TAS2R10: variants seen among roughly 807,000 people sequenced by gnomAD.
TAS2R10 encodes the protein taste receptor type 2 member 10.
For missense variants in TAS2R10, 385 were observed against 362.0 expected, an observed-to-expected ratio of 1.06 and a Z score of -0.52; for synonymous variants, 144 against 126.6, an observed-to-expected ratio of 1.14 and a Z score of -0.92.
exon 1 of TAS2R10, chr12:10,825,460 G>A (rs1480707827): frequency 5.0e-6 from 8 of 1,613,682 alleles, no homozygotes; most frequent in Admixed American, 3.3e-5. Context: ...AGTGACCCCA[G>A]GGATAGATGG....
downstream of TAS2R10, chr12:10,825,306 T>A (rs759203790): frequency 2.7e-6 from 4 of 1,487,506 alleles, no homozygotes; most frequent in South Asian, 5.1e-5. Context: ...ATTTATTCAC[T>A]GGATTCCTTT....
chr12:10,825,448 T>C (rs1369861086), exon 1 of TAS2R10: 1 of 1,613,580 alleles, frequency 6.2e-7, no homozygotes. Context: ...TTAAGATAAA[T>C]GAGTGACCCC....
chr12:10,825,654 G>GC, the TAS2R10 span: 1 of 1,613,642 alleles, frequency 6.2e-7, no homozygotes, highest in Non-Finnish European at 8.5e-7. Flanking sequence ...GATTGCATCT[G>GC]CCTGTTGTGT....
In TAS2R10 at chr12:10,825,525, A is replaced by G. The variant is rs769360408; in HGVS notation, c.745T>C (p.Cys249Arg). ...AGTTTGTTTTCTCGCACAGTAAAAC[A>G]TGATATTTCTATGGCCATGCCTATA... The change falls in exon 1 of 1, where the codon TGT (cysteine) becomes CGT (arginine). Residue 249 changes from cysteine (C) to arginine (R), a missense_variant. Cys to Arg is a radical substitution (Grantham distance 180). Transcript: ENST00000240619. The G allele has an allele frequency of 1.9e-6, 3 of 1,613,672 alleles. No individual in the cohort carries two copies. Among genetic ancestry groups the G allele is most frequent in the African/African-American group, 2.7e-5 (2 of 74,904 alleles).
In TAS2R10 at chr12:10,826,078, A is replaced by G. The variant is rs376185499; in HGVS notation, c.192T>C (p.Asp64=). Residue 64 remains aspartate (D), a synonymous_variant, in exon 1 of 1, where the codon GAT becomes GAC. Coordinates refer to ENST00000240619, the Ensembl canonical transcript of TAS2R10. The stretch of plus-strand genomic sequence containing the variant: ...TTGGAGAGAATATCTGTATAAATCC[A>G]TCTGTAATTATTATCCATATCAGAA... The G allele has an allele frequency of 1.3e-4, 215 of 1,613,252 alleles. 1 individual carries two copies. The highest frequency in any genetic ancestry group is 1.7e-4 in the Non-Finnish European group (203 of 1,179,672).
exon 1 of TAS2R10, chr12:10,825,831 T>C (rs763618529): frequency 1.2e-6 from 2 of 1,612,676 alleles, no homozygotes; most frequent in South Asian, 1.1e-5. Flanking sequence ...ATCTTCGCAA[T>C]GTATGCAAAA....
Position 10,826,198 on chromosome 12 carries a change from A to C in TAS2R10, c.72T>G (p.Asn24Lys), listed in dbSNP as rs750766124. 5 of 1,613,316 alleles carry C rather than the reference A, an allele frequency of 3.1e-6. No homozygotes were observed. In the Admixed American group the frequency reaches 8.3e-5, roughly 27 times the overall value. ...TGCAGTTTACAAGTCCAATAAATCC[A>C]TTCCCCAAAACCCCAAACACTGACT... Residue 24 changes from asparagine to lysine, a missense_variant, in exon 1 of 1, where the codon AAT becomes AAG. Transcript: ENST00000240619.
exon 1 of TAS2R10, chr12:10,825,587 A>G: frequency 6.2e-7 from 1 of 1,613,672 alleles, no homozygotes; most frequent in Admixed American, 1.7e-5. Flanking sequence ...AGATATCAAA[A>G]CTTTCATTGC....
exon 1 of TAS2R10, chr12:10,825,682 T>C: frequency 6.2e-7 from 1 of 1,613,566 alleles, no homozygotes; most frequent in Non-Finnish European, 8.5e-7. Context: ...GGGAAATGAT[T>C]AAAAAAATAC....
chr12:10,826,341 G>T, exon 1 of TAS2R10: 2 of 1,120,018 alleles, frequency 1.8e-6, no homozygotes, highest in Non-Finnish European at 2.5e-6. Context: ...GGCATATATT[G>T]GCTGCTCGAC....
Position 10,825,745 on chromosome 12 carries a change from C to A in TAS2R10, c.525G>T (p.Gln175His), listed in dbSNP as rs774564824. ...AAATGACTCCCAGATTTAGCAAAAT[C>A]TGTTTAATAAAGTATTCACTTTTAT... The change falls in exon 1 of 1, where the codon CAG becomes CAT. Residue 175 changes from glutamine to histidine, a missense_variant. Coordinates refer to ENST00000240619, the Ensembl canonical transcript of TAS2R10. 3 of 1,613,436 alleles carry A rather than the reference C, an allele frequency of 1.9e-6. 1 individual carries two copies. Among genetic ancestry groups the A allele is most frequent in the South Asian group, 2.2e-5 (2 of 91,062 alleles).
exon 1 of TAS2R10, chr12:10,826,309 T>C (rs1398857062): frequency 6.4e-6 from 9 of 1,413,982 alleles, no homozygotes; most frequent in Non-Finnish European, 8.7e-6. Context: ...ACATCTATCT[T>C]AGATTACCTG....
chr12:10,825,309 A>T (rs1437721929), downstream of TAS2R10: 1 of 1,499,758 alleles, frequency 6.7e-7, no homozygotes. Flanking sequence ...TATTCACTGG[A>T]TTCCTTTCGT....
Position 10,826,150 on chromosome 12 carries a change from T to C in TAS2R10, c.120A>G (p.Leu40=), listed in dbSNP as rs1280501301. 2.5e-6 allele frequency: 4 copies of C among 1,613,406 alleles called. No individual in the cohort carries two copies. In the African/African-American group the frequency reaches 4.0e-5, roughly 16 times the overall value. The stretch of plus-strand genomic sequence containing the variant: ...CGGTGAGAATAAAGCCAATCGTAGA[T>C]AACTTATTCTTGGCACAGTCAATGC... The change falls in exon 1 of 1, where the codon TTA becomes TTG. Residue 40 remains leucine, a synonymous_variant. Coordinates refer to ENST00000240619, the Ensembl canonical transcript of TAS2R10.
At chr12:10,825,702 G>A in exon 1 of TAS2R10, 1 of 1,613,466 alleles carries the variant, frequency 6.2e-7, no homozygotes, top group Non-Finnish European at 8.5e-7. Context: ...CATGTAATTA[G>A]GGATAGTGTA....
exon 1 of TAS2R10, chr12:10,825,336 C>T (rs1409330776): frequency 6.3e-7 from 1 of 1,589,272 alleles, no homozygotes. Flanking sequence ...TCCATCTCTT[C>T]CCAAGGTGTC....
chr12:10,825,372 T>C (rs1948856342), exon 1 of TAS2R10: 4 of 1,611,008 alleles, frequency 2.5e-6, no homozygotes, highest in Admixed American at 3.4e-5. Context: ...TTTTTCCTTT[T>C]CTCACAGCAC....
chr12:10,825,694 T>C (rs139062903), exon 1 of TAS2R10: 3 of 1,613,456 alleles, frequency 1.9e-6, no homozygotes, highest in Non-Finnish European at 2.5e-6. Context: ...AAAAAATACA[T>C]GTAATTAGGG....
At chr12:10,825,738 G>A (rs1413351197) in exon 1 of TAS2R10, 5 of 1,613,370 alleles carry the variant, frequency 3.1e-6, no homozygotes, top group Non-Finnish European at 4.2e-6. Flanking sequence ...CCCAGATTTA[G>A]CAAAATCTGT....
Sources: allele counts gnomAD v4.1 joint callset, GRCh38; gene constraint gnomAD v4.1.1; transcripts MANE v1.5; gene names NCBI Gene and HGNC (gene_info 2026-07-23, HGNC 2026-07-21).